CERS6: variants seen among roughly 807,000 people sequenced by gnomAD.
CERS6 encodes ceramide synthase 6.
A neutral mutation model predicts 56.8 loss-of-function variants in CERS6; 26 were observed. The ratio of observed to expected loss-of-function variants is 0.46; its 90% CI spans 0.34 to 0.63. The LOEUF (loss-of-function observed/expected upper bound fraction) is 0.63. Ranked by LOEUF, CERS6 falls within the 30% of genes least tolerant of loss-of-function variation. The pLI is 0.01. For synonymous variants in CERS6, 164 were observed against 173.3 expected, an observed-to-expected ratio of 0.95 and a Z score of 0.42; for missense variants, 415 against 467.5, an observed-to-expected ratio of 0.89 and a Z score of 1.04.
intron 4 of CERS6, among the ~76,000 whole-genome samples, chr2:168,642,440 AGAGT>A (rs1685072579): frequency 6.6e-6 from 1 of 152,174 alleles, no homozygotes; most frequent in Non-Finnish European, 1.5e-5. Flanking sequence ...TGTTTAAAGG[AGAGT>A]GTGTGTGTAC....
At chr2:168,548,948 C>T (rs1416679022) in intron 2 of CERS6, among the ~76,000 whole-genome samples, 3 of 152,110 alleles carry the variant, frequency 2.0e-5, no homozygotes, top group South Asian at 2.1e-4. Flanking sequence ...TGAAGGGACA[C>T]ATATCTTACA....
At chr2:168,569,215 C>G (rs1445224045) in intron 3 of CERS6, among the ~76,000 whole-genome samples, 1 of 152,118 alleles carries the variant, frequency 6.6e-6, no homozygotes. Context: ...GTGTGTCTTC[C>G]TCTTCTTATA....
Position 168,505,467 on chromosome 2 carries a change from C to T in CERS6, c.171-42129C>T, listed in dbSNP as rs377217261. ...TCTCTCCCTATCAGATAGATAGAAG[C>T]AGAGAGAACAAGCAAGATACTGTGA... On this transcript the variant is annotated intron_variant, in intron 1 of 9. Transcript: ENST00000305747. Among the ~76,000 whole-genome samples, 5 of 151,042 alleles carry T rather than the reference C, an allele frequency of 3.3e-5. No individual in the cohort carries two copies. In the East Asian group the frequency reaches 9.7e-4, roughly 29 times the overall value.
chr2:168,763,435 T>C (rs1302235320), intron 8 of CERS6, among the ~76,000 whole-genome samples: 2 of 151,786 alleles, frequency 1.3e-5, no homozygotes, highest in South Asian at 2.1e-4. Context: ...ATTTTTTTTG[T>C]ATTTTTAGTA....
intron 8 of CERS6, among the ~76,000 whole-genome samples, chr2:168,723,792 A>G (rs1321143675): frequency 6.6e-6 from 1 of 152,248 alleles, no homozygotes; most frequent in Non-Finnish European, 1.5e-5. Context: ...TAACTTCATA[A>G]TATGACCATC....
intron 3 of CERS6, among the ~76,000 whole-genome samples, chr2:168,575,031 G>A (rs1352302025): frequency 6.6e-6 from 1 of 152,118 alleles, no homozygotes; most frequent in African/African-American, 2.4e-5. Flanking sequence ...TAAACAGTAG[G>A]GTGAGGTCCT....
rs188724839 is a variant in CERS6, at chr2:168,635,575, C to T, written c.465+4533C>T. 4.6e-3 allele frequency among the ~76,000 whole-genome samples: 704 copies of T among 152,272 alleles called. 6 individuals are homozygous for T. Among genetic ancestry groups the T allele is most frequent in the South Asian group, 0.018 (87 of 4,824 alleles). On this transcript the variant is annotated intron_variant, in intron 4 of 9. Coordinates refer to ENST00000305747, the MANE Select transcript of CERS6 (RefSeq NM_203463.3). Reference sequence around the variant, plus strand: ...GCTTGCACAGTCTCTGCTCTGAGACCGGCAGCAGTATCTCAATAACTAGCC... The same window carrying T: ...GCTTGCACAGTCTCTGCTCTGAGACTGGCAGCAGTATCTCAATAACTAGCC...
At chr2:168,554,465 A>G (rs568730836) in intron 2 of CERS6, among the ~76,000 whole-genome samples, 3 of 152,214 alleles carry the variant, frequency 2.0e-5, no homozygotes, top group Admixed American at 6.5e-5. Context: ...CCGGGTGTCC[A>G]TATACAAACG....
chr2:168,561,086 A>G (rs1695777438), intron 2 of CERS6, 106 bp from the exon 3 acceptor site: 3 of 1,225,542 alleles, frequency 2.4e-6, no homozygotes, highest in Admixed American at 4.3e-5. Context: ...AGCAGATAGT[A>G]AACAATAGGG....
chr2:168,719,137 C>G, intron 8 of CERS6, among the ~76,000 whole-genome samples: 1 of 152,170 alleles, frequency 6.6e-6, no homozygotes, highest in Non-Finnish European at 1.5e-5. Context: ...ATTACCAGCA[C>G]TGAGATGGTA....
At chr2:168,647,567 GAGAGAGATCCTTGTCTTGTGCCAGTTTTC>G (rs1371641883) in intron 4 of CERS6, among the ~76,000 whole-genome samples, 1 of 152,162 alleles carries the variant, frequency 6.6e-6, no homozygotes, top group Non-Finnish European at 1.5e-5. Flanking sequence ...TAGGAGTGGT[GAGAGAGATCCTTGTCTTGTGCCAGTTTTC>G]AAGGGGAATG....
At chr2:168,517,800 G>T (rs1487399339) in intron 1 of CERS6, among the ~76,000 whole-genome samples, 1 of 152,128 alleles carries the variant, frequency 6.6e-6, no homozygotes, top group Admixed American at 6.6e-5. Flanking sequence ...AGTGTAAGAG[G>T]TTACTCCCTT....
chr2:168,639,211 C>T (rs1188453700), intron 4 of CERS6, among the ~76,000 whole-genome samples: 2 of 152,178 alleles, frequency 1.3e-5, no homozygotes, highest in Non-Finnish European at 2.9e-5. Flanking sequence ...ACTAGCTTTA[C>T]AGGCTTCCTT....
rs553755069 is a variant in CERS6 at position 168,753,381 on chromosome 2, G to A, written c.846-12211G>A. On this transcript the variant is annotated intron_variant, in intron 8 of 9. Coordinates refer to ENST00000305747, the MANE Select transcript of CERS6 (RefSeq NM_203463.3). ...GTTTGTCTTGATCAGTTATTATTCA[G>A]TGCATATAGTTTCATGTGTGTTATT... is the stretch of plus-strand genomic sequence containing the variant. 3.3e-5 allele frequency among the ~76,000 whole-genome samples: 5 copies of A among 152,330 alleles called. No individual in the cohort carries two copies. The East Asian group carries it at 9.6e-4, about 29-fold the overall frequency.
chr2:168,661,279 G>A (rs1295225548), intron 4 of CERS6, among the ~76,000 whole-genome samples: 1 of 152,164 alleles, frequency 6.6e-6, no homozygotes. Context: ...TTTTTAAATG[G>A]AATGAAGATT....
At chr2:168,749,269 T>C (rs1684192031) in intron 8 of CERS6, among the ~76,000 whole-genome samples, 1 of 150,420 alleles carries the variant, frequency 6.6e-6, no homozygotes. Flanking sequence ...AGTTGACCCC[T>C]CTTCGCTATC....
intron 8 of CERS6, among the ~76,000 whole-genome samples, chr2:168,719,585 A>G (rs1687309231): frequency 6.6e-6 from 1 of 152,198 alleles, no homozygotes; most frequent in African/African-American, 2.4e-5. Flanking sequence ...GGATTCACCA[A>G]CAATACCTTC....
intron 1 of CERS6, among the ~76,000 whole-genome samples, chr2:168,470,357 C>T (rs1357852999): frequency 6.6e-6 from 1 of 152,092 alleles, no homozygotes. Flanking sequence ...GAAATGGCTT[C>T]TCTGTCTCGC....
chr2:168,570,746 C>G (rs2105388313), intron 3 of CERS6, among the ~76,000 whole-genome samples: 1 of 152,156 alleles, frequency 6.6e-6, no homozygotes, highest in South Asian at 2.1e-4. Context: ...CTCTGTTACC[C>G]CTAGCAAGTC....
Sources: gnomAD v4.1 joint callset for allele counts (sites outside exome capture counted in the v4.1 genomes callset) on GRCh38, gnomAD v4.1.1 for gene constraint, MANE v1.5 for transcripts, NCBI Gene and HGNC (gene_info 2026-07-23, HGNC 2026-07-21) for gene names.